The following FAT3 variants were observed in gnomAD, a reference collection of about 807,000 sequenced individuals.
The protein encoded by FAT3 is FAT atypical cadherin 3, also known as protocadherin Fat 3.
In FAT3, 95 loss-of-function variants were observed where a neutral mutation model predicts 310.2. The ratio of observed to expected loss-of-function variants is 0.31; its 90% CI spans 0.26 to 0.36. The LOEUF (loss-of-function observed/expected upper bound fraction) is 0.36. Among genes scored for constraint, FAT3 ranks in the 10% least tolerant of loss-of-function variants. FAT3 has a pLI of 1.00. For missense variants in FAT3, 5,408 were observed against 5,715.6 expected (o/e 0.95, Z 1.74); for synonymous variants, 2,314 against 2,192.9 (o/e 1.06, Z -1.54).
intron 2 of FAT3, among the ~76,000 whole-genome samples, chr11:92,492,346 T>C (rs1322024586): frequency 6.6e-6 from 1 of 151,992 alleles, no homozygotes; most frequent in Non-Finnish European, 1.5e-5. Context: ...AGTCCTGGCT[T>C]TAGCATTTGC....
At chr11:92,374,562 T>G (rs1181853376) in intron 2 of FAT3, among the ~76,000 whole-genome samples, 1 of 152,216 alleles carries the variant, frequency 6.6e-6, no homozygotes, top group Non-Finnish European at 1.5e-5. Flanking sequence ...TAACTACTCT[T>G]TGTGATTTAA....
At chr11:92,304,951 T>C (rs1406219360) in intron 1 of FAT3, among the ~76,000 whole-genome samples, 1 of 152,134 alleles carries the variant, frequency 6.6e-6, no homozygotes, top group Non-Finnish European at 1.5e-5. Context: ...CTGAATTCAA[T>C]TCTGGACCAG....
Position 92,301,444 on chromosome 11 carries a change from C to T in FAT3, c.-17-50652C>T, listed in dbSNP as rs563163096. Among the ~76,000 whole-genome samples the T allele has an allele frequency of 1.9e-3, 286 of 152,176 alleles. 1 individual carries two copies. The highest frequency in any genetic ancestry group is 3.6e-3 in the Non-Finnish European group (245 of 67,982). ...CCCTTCCTCTGTAGGATCTGCTGCC[C>T]CTTCCGTTAGGAGGGAGGGGGATGG... On this transcript the variant is annotated intron_variant, in intron 1 of 27. Coordinates refer to ENST00000525166, the MANE Select transcript of FAT3 (RefSeq NM_001367949.2).
Position 92,354,567 on chromosome 11 carries a change from A to G in FAT3, c.2455A>G (p.Ile819Val). 6.2e-7 allele frequency: 1 copy of G among 1,613,880 alleles called. No homozygotes were observed. Among genetic ancestry groups the G allele is most frequent in the Admixed American group, 1.7e-5 (1 of 59,930 alleles). Residue 819 changes from isoleucine (I) to valine (V), a missense_variant, in exon 2 of 28, where the codon ATC becomes GTC. Ile to Val is a conservative substitution (Grantham distance 29). Transcript: ENST00000525166. ...GAAATCGTCATGGAGACTGCTGACC[A>G]TCAATGTGGAGGATGCTAATGACAA... ...PQKSSWRLLT[I>V]NVEDANDNSP... is the part of the protein sequence containing the mutation.
chr11:92,316,101 A>G (rs1337364390), intron 1 of FAT3, among the ~76,000 whole-genome samples: 1 of 152,030 alleles, frequency 6.6e-6, no homozygotes, highest in African/African-American at 2.4e-5. Context: ...ATTCAAAAGT[A>G]AAAAATGAAT....
At position 92,302,511 on chromosome 11, in the gene FAT3, G is replaced by A. The variant is rs146359367; in HGVS notation, c.-17-49585G>A. 5.7e-3 allele frequency among the ~76,000 whole-genome samples: 863 copies of A among 151,040 alleles called. 12 individuals carry two copies. The highest frequency in any genetic ancestry group is 0.019 in the African/African-American group (792 of 41,152). ...TTGGCACCATTTATTTGTATATTAA[G>A]TTTAATTTAGGGAAAAGAAGAAAAA... On this transcript the variant is annotated intron_variant, in intron 1 of 27. Coordinates refer to ENST00000525166, the MANE Select transcript of FAT3 (RefSeq NM_001367949.2).
At chr11:92,864,233 A>G (rs1949183791) in intron 21 of FAT3, among the ~76,000 whole-genome samples, 1 of 152,080 alleles carries the variant, frequency 6.6e-6, no homozygotes. Flanking sequence ...ACCAAGTAAT[A>G]TGTTAATTGA....
At chr11:92,406,861 C>T (rs1470300318) in intron 2 of FAT3, among the ~76,000 whole-genome samples, 1 of 152,196 alleles carries the variant, frequency 6.6e-6, no homozygotes, top group Non-Finnish European at 1.5e-5. Context: ...AGCAGGCAAA[C>T]ACTAGACAGA....
chr11:92,243,937 G>T (rs2134259244), intron 1 of FAT3, among the ~76,000 whole-genome samples: 1 of 152,130 alleles, frequency 6.6e-6, no homozygotes, highest in East Asian at 1.9e-4. Flanking sequence ...TTAAGGAAAA[G>T]AACATCCGAA....
chr11:92,400,613 C>A (rs1295260042), intron 2 of FAT3: 1 of 151,742 alleles, frequency 6.6e-6, no homozygotes. Flanking sequence ...ATAAACAGCG[C>A]TATGAAGGAG....
chr11:92,333,308 A>G (rs1482775965), intron 1 of FAT3, among the ~76,000 whole-genome samples: 3 of 152,182 alleles, frequency 2.0e-5, no homozygotes, highest in Non-Finnish European at 4.4e-5. Flanking sequence ...AGTTACAAAT[A>G]TTTATTATAA....
chr11:92,599,784 T>C (rs1166818757), intron 3 of FAT3, among the ~76,000 whole-genome samples: 1 of 152,238 alleles, frequency 6.6e-6, no homozygotes, highest in Non-Finnish European at 1.5e-5. Flanking sequence ...ACTCCATACA[T>C]AGGGGAGTTG....
At chr11:92,284,637 G>A (rs187745148) in intron 1 of FAT3, among the ~76,000 whole-genome samples, 4 of 152,108 alleles carry the variant, frequency 2.6e-5, no homozygotes, top group Admixed American at 1.3e-4. Flanking sequence ...GGCACACTGC[G>A]TTTGAAAACC....
At chr11:92,597,715 G>A (rs561691755) in intron 3 of FAT3, among the ~76,000 whole-genome samples, 1 of 152,282 alleles carries the variant, frequency 6.6e-6, no homozygotes, top group African/African-American at 2.4e-5. Context: ...ACCCAGGGAT[G>A]CATGACTAGT....
intron 1 of FAT3, among the ~76,000 whole-genome samples, chr11:92,296,212 A>G (rs994499285): frequency 6.6e-6 from 1 of 152,156 alleles, no homozygotes; most frequent in African/African-American, 2.4e-5. Context: ...TTTGGGAAGC[A>G]GTACACAGTT....
intron 22 of FAT3, among the ~76,000 whole-genome samples, chr11:92,880,270 C>T (rs1414804186): frequency 6.7e-6 from 1 of 149,206 alleles, no homozygotes; most frequent in African/African-American, 2.5e-5. Context: ...GCTCTCCCCT[C>T]ATTCCCTCTC....
At chr11:92,280,938 TTC>T (rs1265301700) in intron 1 of FAT3, among the ~76,000 whole-genome samples, 10 of 152,206 alleles carry the variant, frequency 6.6e-5, no homozygotes, top group Non-Finnish European at 1.0e-4. Flanking sequence ...AAAATCTAGG[TTC>T]TCTTTGACTT....
intron 2 of FAT3, among the ~76,000 whole-genome samples, chr11:92,416,158 G>A (rs1409364708): frequency 2.7e-5 from 4 of 146,910 alleles, no homozygotes; most frequent in African/African-American, 1.0e-4. Flanking sequence ...GGCAGATCAC[G>A]AGGTCAGGAG....
At chr11:92,460,131 G>A (rs1292489946) in intron 2 of FAT3, among the ~76,000 whole-genome samples, 1 of 152,084 alleles carries the variant, frequency 6.6e-6, no homozygotes, top group African/African-American at 2.4e-5. Context: ...TTAATGTTAG[G>A]CGATGCTCTG....
Sources: allele counts gnomAD v4.1 joint callset (sites outside exome capture counted in the v4.1 genomes callset), GRCh38; gene constraint gnomAD v4.1.1; transcripts MANE v1.5; gene names NCBI Gene and HGNC (gene_info 2026-07-23, HGNC 2026-07-21).